ATP12A: variants seen among roughly 807,000 people sequenced by gnomAD.
The protein encoded by ATP12A is potassium-transporting ATPase alpha chain 2.
ATP12A carries 81 observed loss-of-function variants against 111.2 expected under a neutral mutation model. The observed-to-expected ratio is 0.73, with a 90% CI of 0.61 to 0.88. The LOEUF is 0.88. ATP12A is among the 40% of genes least tolerant of loss of function. ATP12A has a pLI of 0.00. For synonymous variants in ATP12A, 498 were observed against 499.8 expected (o/e 1.00, Z 0.05); for missense variants, 1,196 against 1,313.1 (o/e 0.91, Z 1.38).
chr13:24,702,028 A>T lies in ATP12A; in HGVS notation c.1975A>T (p.Ile659Phe), dbSNP rs769407817. The change falls in exon 14 of 23, where the codon ATT becomes TTT. Residue 659 changes from isoleucine (I) to phenylalanine (F), a missense_variant. Ile to Phe is a conservative substitution (Grantham distance 21). This residue lies in a region of ATP12A where 1,126 missense variants were observed against 1,228.5 expected (regional missense o/e 0.92). Coordinates refer to ENST00000381946, the MANE Select transcript of ATP12A (RefSeq NM_001676.7). ...ISANSETVEDIAHRLNIAVEQ... is the reference protein window; with the variant it reads ...ISANSETVEDFAHRLNIAVEQ... ...AGCCAACAGTGAAACAGTGGAAGAC[A>T]TTGCACATCGCCTCAACATTGCTGT... is the stretch of plus-strand genomic sequence containing the variant. The T allele has an allele frequency of 6.2e-7, 1 of 1,614,254 alleles. No homozygotes were observed.
At chr13:24,684,157 T>C (rs984853467) in intron 2 of ATP12A, among the ~76,000 whole-genome samples, 59 of 152,122 alleles carry the variant, frequency 3.9e-4, no homozygotes, top group Middle Eastern at 3.4e-3. Flanking sequence ...ACTACTTGTA[T>C]CTGCCCAAAA....
chr13:24,684,431 T>C lies in ATP12A; in HGVS notation c.169-883T>C, dbSNP rs146114700. Among the ~76,000 whole-genome samples the C allele has an allele frequency of 4.8e-4, 73 of 152,352 alleles. No homozygotes were observed. The East Asian group carries it at 0.011, about 23-fold the overall frequency. On this transcript the variant is annotated intron_variant, in intron 2 of 22. Transcript: ENST00000381946. ...AGCACCAGTCAACAGTATCAATCTT[T>C]GTTTCAGACAATCAGGGTTTAAAAA...
chr13:24,682,361 A>ATGTGTGGTGTGTGGTGTG (rs908916368), intron 2 of ATP12A, among the ~76,000 whole-genome samples: 5 of 46,730 alleles, frequency 1.1e-4, no homozygotes, highest in Admixed American at 9.3e-4. Flanking sequence ...TGTGGTGTAT[A>ATGTGTGGTGTGTGGTGTG]TGTGTGGTGT....
At chr13:24,689,152 T>C in intron 4 of ATP12A, 110 bp from the exon 5 acceptor site, 1 of 822,350 alleles carries the variant, frequency 1.2e-6, no homozygotes, top group South Asian at 1.5e-5. Flanking sequence ...CTGTAAATTA[T>C]ACCAGGGCGT....
chr13:24,680,747 C>A lies in ATP12A; in HGVS notation c.4C>A (p.His2Asn). The part of the protein sequence containing the change: M[H>N]QKTPEIYSVE... ...CCCGCGGCGCCACCAGCCCAGCATG[C>A]ACCAGGTGCGTGCAGCCCCCGCGCC... Residue 2 changes from histidine (H) to asparagine (N), a missense_variant, in exon 1 of 23, where the codon CAC becomes AAC. Physicochemically the swap from His to Asn is moderately conservative, Grantham distance 68 (BLOSUM62 1). Around this residue, in one of 3 missense-constraint regions of ATP12A, gnomAD observed 67 missense variants for 64.0 expected, o/e 1.05. Coordinates refer to ENST00000381946, the MANE Select transcript of ATP12A (RefSeq NM_001676.7). 1 of 1,500,986 alleles carries A rather than the reference C, an allele frequency of 6.7e-7. No individual in the cohort carries two copies. Among genetic ancestry groups the A allele is most frequent in the Non-Finnish European group, 8.8e-7 (1 of 1,132,408 alleles). The allele number at this position is 1,500,986 out of a possible 1,614,324, so 93.0% of individuals were successfully genotyped here.
chr13:24,706,017 C>T (rs1022091651), intron 14 of ATP12A, among the ~76,000 whole-genome samples: 1 of 152,260 alleles, frequency 6.6e-6, no homozygotes, highest in South Asian at 2.1e-4. Flanking sequence ...TGAAGTAAAG[C>T]GTTGCTCTAG....
intron 14 of ATP12A, among the ~76,000 whole-genome samples, chr13:24,703,084 A>G (rs953667233): frequency 3.3e-5 from 5 of 152,254 alleles, no homozygotes; most frequent in Admixed American, 1.3e-4. Flanking sequence ...GCCTCTGGGC[A>G]CAGCAGCAGT....
In ATP12A at chr13:24,681,681, G is replaced by GA. The variant is rs1211915800; in HGVS notation, c.134dup (p.Asn45LysfsTer14). 39 of 1,614,030 alleles carry GA rather than the reference G, an allele frequency of 2.4e-5. No individual in the cohort carries two copies. Among genetic ancestry groups the GA allele is most frequent in the African/African-American group, 4.0e-5 (3 of 74,936 alleles). ...AGAACAACTGCCTGGAACTCAAAAAGAAAAATCACAAAGAGGAGTTTCAGA... is the reference window on the plus strand; with the variant it reads ...AGAACAACTGCCTGGAACTCAAAAAGAAAAAATCACAAAGAGGAGTTTCAGA... On this transcript the variant is annotated frameshift_variant, in exon 2 of 23. Coordinates refer to ENST00000381946, the MANE Select transcript of ATP12A (RefSeq NM_001676.7). LOFTEE classifies it high-confidence loss of function.
At chr13:24,709,293 AG>A in intron 17 of ATP12A, 70 bp from the exon 18 acceptor site, 1 of 87,370 alleles carries the variant, frequency 1.1e-5, no homozygotes. Context: ...CACCCACCCC[AG>A]CCCCCCTCCC....
chr13:24,688,469 T>C lies in ATP12A; in HGVS notation c.379T>C (p.Trp127Arg). ...ILLWVGAFLC[W>R]IAYGIQYSSD... ...CCTGTGGGTGGGCGCCTTTCTCTGTTGGATTGCATATGGGATTCAGTACTC... is the reference window on the plus strand; with the variant it reads ...CCTGTGGGTGGGCGCCTTTCTCTGTCGGATTGCATATGGGATTCAGTACTC... The change falls in exon 4 of 23, where the codon TGG becomes CGG. Residue 127 changes from tryptophan to arginine, a missense_variant. This residue lies in a region of ATP12A where 1,126 missense variants were observed against 1,228.5 expected (regional missense o/e 0.92). Transcript: ENST00000381946. 1 of 1,613,638 alleles carries C rather than the reference T, an allele frequency of 6.2e-7. No individual in the cohort carries two copies. Among genetic ancestry groups the C allele is most frequent in the South Asian group, 1.1e-5 (1 of 90,954 alleles).
intron 8 of ATP12A, 53 bp downstream of exon 8, chr13:24,691,303 G>A (rs973701142): frequency 5.2e-6 from 8 of 1,548,170 alleles, no homozygotes; most frequent in Middle Eastern, 2.2e-4. Flanking sequence ...CACAGCACTG[G>A]TGCTGGGGAG....
At chr13:24,708,822 G>GAGAAAGAGAGAA (rs767325143) in intron 17 of ATP12A, among the ~76,000 whole-genome samples, 2 of 149,278 alleles carry the variant, frequency 1.3e-5, no homozygotes, top group Non-Finnish European at 3.0e-5. Flanking sequence ...AAGAAAGAAA[G>GAGAAAGAGAGAA]AGAAAGAGAG....
intron 20 of ATP12A, 58 bp downstream of exon 20, chr13:24,710,651 A>G (rs1875926593): frequency 6.2e-7 from 1 of 1,611,288 alleles, no homozygotes; most frequent in African/African-American, 1.3e-5. Context: ...AAGGATGATG[A>G]TGATTTGTTT....
At chr13:24,699,053 C>T (rs1431495223) in intron 12 of ATP12A, among the ~76,000 whole-genome samples, 4 of 152,166 alleles carry the variant, frequency 2.6e-5, no homozygotes, top group Non-Finnish European at 5.9e-5. Flanking sequence ...GAGGCAAGCT[C>T]AGGGAAGACT....
At chr13:24,710,395 C>T (rs1875909192) in intron 19 of ATP12A, 65 bp from the exon 20 acceptor site, 1 of 1,588,160 alleles carries the variant, frequency 6.3e-7, no homozygotes, top group South Asian at 1.1e-5. Context: ...TAGAGAACTG[C>T]ATTGGAATTT....
chr13:24,710,717 G>T, intron 20 of ATP12A, 75 bp from the exon 21 acceptor site: 1 of 1,599,546 alleles, frequency 6.3e-7, no homozygotes, highest in Admixed American at 1.7e-5. Context: ...GATTTTTCTG[G>T]TGGCATGGTC....
chr13:24,711,562 G>A lies in ATP12A; in HGVS notation c.*40G>A. On this transcript the variant is annotated 3_prime_UTR_variant, in exon 23 of 23. Transcript: ENST00000381946. ...CTATGTCTCTCAGCAGCACGTTGGG[G>A]CACACTTGTTCATCTTCTGACCGTT... 1 of 1,613,002 alleles carries A rather than the reference G, an allele frequency of 6.2e-7. No homozygotes were observed. Among genetic ancestry groups the A allele is most frequent in the Non-Finnish European group, 8.5e-7 (1 of 1,179,118 alleles).
Position 24,710,840 on chromosome 13 carries a change from G to A in ATP12A, c.2946G>A (p.Leu982=). The change falls in exon 21 of 23, where the codon CTG becomes CTA. Residue 982 remains leucine (L), a synonymous_variant. Transcript: ENST00000381946. ...TCACCTCACAGATCATCATTGGTCT[G>A]ATCCTCTCCTATGGCCTCGGAAGTG... The part of the protein sequence containing the change: ...VGITSQIIIG[L]ILSYGLGSVT... The A allele has an allele frequency of 1.2e-6, 2 of 1,614,240 alleles. No homozygotes were observed. The highest frequency in any genetic ancestry group is 1.7e-6 in the Non-Finnish European group (2 of 1,180,042).
chr13:24,701,612 T>C (rs1020430984), intron 13 of ATP12A, among the ~76,000 whole-genome samples: 1 of 152,108 alleles, frequency 6.6e-6, no homozygotes, highest in African/African-American at 2.4e-5. Flanking sequence ...TCATCATTAC[T>C]AGGTTAATAT....
Sources: allele counts gnomAD v4.1 joint callset (sites outside exome capture counted in the v4.1 genomes callset), GRCh38; gene constraint gnomAD v4.1.1; regional missense constraint gnomAD v4.1.1; transcripts MANE v1.5; gene names NCBI Gene and HGNC (gene_info 2026-07-23, HGNC 2026-07-21).